Variants in EPHA6 observed in about 807,000 individuals in gnomAD.
EPHA6 encodes the protein ephrin type-A receptor 6.
In EPHA6, 50 loss-of-function variants were observed where a neutral mutation model predicts 112.0. The observed-to-expected ratio is 0.45, with a 90% CI of 0.36 to 0.56. The LOEUF is 0.56. Among genes scored for constraint, EPHA6 ranks in the 20% least tolerant of loss-of-function variants. The probability of loss-of-function intolerance (pLI) is 0.00; values close to 1 mark genes in which losing one functional copy is unlikely to be tolerated. For missense variants in EPHA6, 1,280 were observed against 1,417.4 expected, an observed-to-expected ratio of 0.90 and a Z score of 1.56; for synonymous variants, 529 against 490.7, an observed-to-expected ratio of 1.08 and a Z score of -1.03.
chr3:97,466,526 C>A (rs1369455863), intron 7 of EPHA6: 2 of 843,034 alleles, frequency 2.4e-6, no homozygotes, highest in Non-Finnish European at 4.1e-6. Flanking sequence ...CGGGCCAAAT[C>A]CAGGCTCTCC....
chr3:97,193,528 GT>G (rs1423310077), intron 3 of EPHA6, among the ~76,000 whole-genome samples: 7 of 151,794 alleles, frequency 4.6e-5, no homozygotes, highest in South Asian at 2.1e-4. Context: ...TTCTAATAGT[GT>G]TTTTTTGGTG....
intron 11 of EPHA6, among the ~76,000 whole-genome samples, chr3:97,592,292 A>G (rs2093552298): frequency 6.6e-6 from 1 of 152,238 alleles, no homozygotes; most frequent in Non-Finnish European, 1.5e-5. Context: ...CTGCAAATAA[A>G]CAACATCAAT....
chr3:96,989,242 A>G (rs1458822172), intron 3 of EPHA6, among the ~76,000 whole-genome samples: 2 of 152,158 alleles, frequency 1.3e-5, no homozygotes, highest in Non-Finnish European at 2.9e-5. Context: ...TTTATAAAAC[A>G]CTTGGGTTCT....
At position 97,121,605 on chromosome 3, in the gene EPHA6, C is replaced by G. The variant is rs140492107; in HGVS notation, c.1115-104659C>G. Among the ~76,000 whole-genome samples, 3 of 152,140 alleles carry G rather than the reference C, an allele frequency of 2.0e-5. No homozygotes were observed. The East Asian group carries it at 5.8e-4, about 29-fold the overall frequency. ...ACTTGGCTGGGTGCCATTGTTACCA[C>G]GTGATGGAGACCTTGCTCAAAGGCA... On this transcript the variant is annotated intron_variant, in intron 3 of 17. Coordinates refer to ENST00000389672, the MANE Select transcript of EPHA6 (RefSeq NM_001080448.3).
intron 2 of EPHA6, among the ~76,000 whole-genome samples, chr3:96,925,670 A>G (rs1312158946): frequency 1.4e-5 from 2 of 146,146 alleles, no homozygotes; most frequent in Non-Finnish European, 3.0e-5. Context: ...CAGTGACGTG[A>G]TCTTGGCTCA....
intron 13 of EPHA6, among the ~76,000 whole-genome samples, chr3:97,635,014 G>A (rs2093933891): frequency 6.6e-6 from 1 of 151,444 alleles, no homozygotes; most frequent in Non-Finnish European, 1.5e-5. Context: ...GCTTGGTTTG[G>A]TGCTGACTTG....
At chr3:97,256,937 T>C (rs2079333947) in intron 5 of EPHA6, among the ~76,000 whole-genome samples, 1 of 152,022 alleles carries the variant, frequency 6.6e-6, no homozygotes, top group Non-Finnish European at 1.5e-5. Context: ...AGCTTATGTA[T>C]CAGAAATTAT....
intron 1 of EPHA6, among the ~76,000 whole-genome samples, chr3:96,857,587 A>T (rs1057469246): frequency 6.6e-6 from 1 of 152,084 alleles, no homozygotes; most frequent in African/African-American, 2.4e-5. Flanking sequence ...TCATGATTTT[A>T]TTTATCAAAT....
chr3:96,958,267 A>G (rs1162027776), intron 2 of EPHA6, among the ~76,000 whole-genome samples: 1 of 150,970 alleles, frequency 6.6e-6, no homozygotes, highest in Admixed American at 6.6e-5. Flanking sequence ...TCCAGCCTGG[A>G]TGACAAAAGC....
chr3:97,083,094 G>T (rs114491193), intron 3 of EPHA6, among the ~76,000 whole-genome samples: 33 of 151,964 alleles, frequency 2.2e-4, no homozygotes, highest in Non-Finnish European at 3.2e-4. Context: ...CAGCTAATTT[G>T]CCGTAAGAAT....
intron 1 of EPHA6, among the ~76,000 whole-genome samples, chr3:96,838,633 T>C (rs1266048283): frequency 6.6e-6 from 1 of 152,096 alleles, no homozygotes; most frequent in African/African-American, 2.4e-5. Context: ...TTTTAATATA[T>C]CAATTAAAAG....
intron 12 of EPHA6, among the ~76,000 whole-genome samples, chr3:97,599,511 T>G (rs1252132812): frequency 7.4e-5 from 11 of 148,328 alleles, no homozygotes; most frequent in African/African-American, 2.7e-4. Flanking sequence ...CAGCACCATT[T>G]ATTAAATAGG....
intron 3 of EPHA6, among the ~76,000 whole-genome samples, chr3:97,115,041 A>G (rs1483973661): frequency 6.6e-6 from 1 of 152,000 alleles, no homozygotes; most frequent in Non-Finnish European, 1.5e-5. Context: ...AAAGACTTGC[A>G]ATATAGTTGG....
intron 3 of EPHA6, among the ~76,000 whole-genome samples, chr3:97,190,677 A>G (rs1197914779): frequency 1.3e-5 from 2 of 152,090 alleles, no homozygotes; most frequent in Admixed American, 6.6e-5. Flanking sequence ...GAATGACTGA[A>G]TAAGCTAATT....
At chr3:97,466,291 A>G (rs1365109449) in intron 7 of EPHA6, 2 of 1,394,042 alleles carry the variant, frequency 1.4e-6, no homozygotes, top group African/African-American at 1.4e-5. Context: ...CATTCCCCTC[A>G]AGCAACATAA....
At chr3:96,935,271 T>C (rs894281003) in intron 2 of EPHA6, among the ~76,000 whole-genome samples, 3 of 151,870 alleles carry the variant, frequency 2.0e-5, no homozygotes, top group South Asian at 4.1e-4. Flanking sequence ...AATCAAAATA[T>C]GTTTTTATTT....
rs372506328 is a variant in EPHA6, at chr3:97,487,562, A to G, written c.2200+3503A>G. On this transcript the variant is annotated intron_variant, in intron 10 of 17. Transcript: ENST00000389672. ...GTCCTGAGATTTTCAACTACTAACC[A>G]TCAAAATACTGTGCAACTGAACCAT... 2.6e-5 allele frequency among the ~76,000 whole-genome samples: 4 copies of G among 152,332 alleles called. No individual in the cohort carries two copies. In the East Asian group the frequency reaches 7.7e-4, roughly 29 times the overall value.
intron 1 of EPHA6, among the ~76,000 whole-genome samples, chr3:96,866,417 G>A (rs2036315378): frequency 1.3e-5 from 2 of 151,762 alleles, no homozygotes; most frequent in African/African-American, 4.8e-5. Flanking sequence ...ACATTTAATA[G>A]CACAAAAAGA....
At position 97,718,088 on chromosome 3, in the gene EPHA6, T is replaced by C. The variant is rs148467535; in HGVS notation, c.2785-2173T>C. ...GATGGGACTGCTGCCCTTGCCCTTG[T>C]ATATGTTCTCGGGTCAAATTGACAA... On this transcript the variant is annotated intron_variant, in intron 14 of 17. Transcript: ENST00000389672. Among the ~76,000 whole-genome samples, 859 of 152,330 alleles carry C rather than the reference T, an allele frequency of 5.6e-3. 9 individuals are homozygous for C. The highest frequency in any genetic ancestry group is 0.02 in the African/African-American group (825 of 41,568).
Sources: gnomAD v4.1 joint callset for allele counts (sites outside exome capture counted in the v4.1 genomes callset) on GRCh38, gnomAD v4.1.1 for gene constraint, MANE v1.5 for transcripts, NCBI Gene and HGNC (gene_info 2026-07-23, HGNC 2026-07-21) for gene names.